Variants in CRACD observed in about 807,000 individuals in gnomAD.
The protein encoded by CRACD is capping protein-inhibiting regulator of actin dynamics.
CRACD carries 56 observed loss-of-function variants against 106.8 expected under a neutral mutation model. The ratio of observed to expected loss-of-function variants is 0.52; its 90% CI spans 0.42 to 0.66. CRACD has a LOEUF of 0.66. Among genes scored for constraint, CRACD ranks in the 30% least tolerant of loss-of-function variants. The pLI is 0.00. For synonymous variants in CRACD, 754 were observed against 670.8 expected, an observed-to-expected ratio of 1.12 and a Z score of -1.92; for missense variants, 1,730 against 1,623.2, an observed-to-expected ratio of 1.07 and a Z score of -1.13.
chr4:56,161,859 G>A lies in CRACD; in HGVS notation c.-335-17425G>A, dbSNP rs376893329. ...GCTCACTGCAACCTCTGCCTCCTGG[G>A]TTTAAGTGATTCTCCTGTCTCAGCC... On this transcript the variant is annotated intron_variant, in intron 1 of 10. Transcript: ENST00000682029. Among the ~76,000 whole-genome samples, 15 of 151,966 alleles carry A rather than the reference G, an allele frequency of 9.9e-5. No homozygotes were observed. The South Asian group carries it at 2.7e-3, about 27-fold the overall frequency.
intron 3 of CRACD, among the ~76,000 whole-genome samples, chr4:56,284,292 T>TAAAAAAAAAAAAAA (rs59270238): frequency 1.5e-4 from 7 of 45,470 alleles, no homozygotes; most frequent in African/African-American, 5.5e-4. Flanking sequence ...CATCCTAAAG[T>TAAAAAAAAAAAAAA]AAAAAAAAAA....
chr4:56,088,006 T>G (rs1390168351), intron 1 of CRACD, among the ~76,000 whole-genome samples: 4 of 152,124 alleles, frequency 2.6e-5, no homozygotes, highest in Admixed American at 6.5e-5. Context: ...AAAATTTAAA[T>G]GCATTATCAT....
chr4:56,102,591 C>T (rs1733816422), intron 1 of CRACD, among the ~76,000 whole-genome samples: 1 of 152,124 alleles, frequency 6.6e-6, no homozygotes, highest in Non-Finnish European at 1.5e-5. Context: ...AATGACAGAC[C>T]AGAAGAGTTT....
chr4:56,086,602 A>T (rs1733227330), intron 1 of CRACD, among the ~76,000 whole-genome samples: 1 of 151,956 alleles, frequency 6.6e-6, no homozygotes, highest in African/African-American at 2.4e-5. Flanking sequence ...TCCCTCATCT[A>T]ATCCATGCAA....
intron 2 of CRACD, among the ~76,000 whole-genome samples, chr4:56,217,442 G>C (rs114480438): frequency 5.3e-5 from 8 of 151,904 alleles, no homozygotes; most frequent in African/African-American, 1.9e-4. Context: ...GGGGTGGGAG[G>C]GGGAGGGATT....
intron 1 of CRACD, among the ~76,000 whole-genome samples, chr4:56,145,468 G>T (rs1735349495): frequency 6.6e-6 from 1 of 152,092 alleles, no homozygotes; most frequent in African/African-American, 2.4e-5. Flanking sequence ...TCTCCCCATA[G>T]ACCATCTGTT....
intron 2 of CRACD, among the ~76,000 whole-genome samples, chr4:56,243,826 A>G (rs1342225726): frequency 6.6e-6 from 1 of 152,100 alleles, no homozygotes; most frequent in Non-Finnish European, 1.5e-5. Flanking sequence ...AATGTTATTG[A>G]CTATAGTCAC....
At chr4:56,124,248 T>C (rs564639470) in intron 1 of CRACD, among the ~76,000 whole-genome samples, 1 of 152,350 alleles carries the variant, frequency 6.6e-6, no homozygotes, top group East Asian at 1.9e-4. Flanking sequence ...AAAATAATTT[T>C]TTAATGATGG....
chr4:56,291,173 G>A (rs1192136666), intron 3 of CRACD, among the ~76,000 whole-genome samples: 1 of 152,200 alleles, frequency 6.6e-6, no homozygotes. Context: ...TTTGAGCAGA[G>A]AGAGAGTGAG....
chr4:56,307,775 C>T lies in CRACD; in HGVS notation c.285+76C>T, dbSNP rs942336609. ...ATTGGGCCTCCAGTAACCCTGGGGT[C>T]TGCAGCAGGGGAATTAGAGGGAGGA... On this transcript the variant is annotated intron_variant, in intron 5 of 10. Coordinates refer to ENST00000682029, the MANE Select transcript of CRACD (RefSeq NM_001393381.1). The T allele has an allele frequency of 1.1e-5, 16 of 1,458,750 alleles. No individual in the cohort carries two copies. In the African/African-American group the frequency reaches 1.5e-4, roughly 14 times the overall value. The allele number at this position is 1,458,750 out of a possible 1,614,324, so 90.4% of individuals were successfully genotyped here.
intron 2 of CRACD, among the ~76,000 whole-genome samples, chr4:56,259,951 T>C (rs536467826): frequency 5.9e-5 from 9 of 152,170 alleles, no homozygotes; most frequent in Non-Finnish European, 1.2e-4. Flanking sequence ...CAGAACCCAA[T>C]TGAGGATGAC....
chr4:56,072,476 A>G (rs1577944799), intron 1 of CRACD, among the ~76,000 whole-genome samples: 1 of 152,204 alleles, frequency 6.6e-6, no homozygotes, highest in East Asian at 1.9e-4. Flanking sequence ...ACACAGCCTT[A>G]TTGAGATATA....
chr4:56,203,921 T>C (rs994130337), intron 2 of CRACD, among the ~76,000 whole-genome samples: 1 of 152,196 alleles, frequency 6.6e-6, no homozygotes, highest in South Asian at 2.1e-4. Flanking sequence ...TTCTAATCCC[T>C]GGGACAAAAC....
chr4:56,212,662 C>T (rs1738465863), intron 2 of CRACD, among the ~76,000 whole-genome samples: 1 of 152,028 alleles, frequency 6.6e-6, no homozygotes, highest in Non-Finnish European at 1.5e-5. Context: ...CTCTCAGATC[C>T]CCTTGATCAA....
intron 1 of CRACD, among the ~76,000 whole-genome samples, chr4:56,143,090 G>T (rs988576115): frequency 1.3e-5 from 2 of 151,376 alleles, no homozygotes; most frequent in Admixed American, 1.3e-4. Context: ...AAATTGTTTG[G>T]CTTGATTGGA....
At position 56,257,984 on chromosome 4, in the gene CRACD, C is replaced by A. The variant is rs939286821; in HGVS notation, c.-188-14337C>A. ...ACTTGGGAGGCTGAGGCATGAGAAT[C>A]GCTTGAACCCGGGAGGCAGAGGTGG... On this transcript the variant is annotated intron_variant, in intron 2 of 10. Transcript: ENST00000682029. 3.3e-5 allele frequency among the ~76,000 whole-genome samples: 5 copies of A among 151,344 alleles called. 1 individual carries two copies. Among genetic ancestry groups the A allele is most frequent in the South Asian group, 4.2e-4 (2 of 4,776 alleles).
chr4:56,096,516 C>T, intron 1 of CRACD, among the ~76,000 whole-genome samples: 1 of 152,054 alleles, frequency 6.6e-6, no homozygotes, highest in East Asian at 1.9e-4. Flanking sequence ...AGTTCAAGAC[C>T]AGCCTGGATG....
intron 1 of CRACD, among the ~76,000 whole-genome samples, chr4:56,077,142 A>G (rs1188723506): frequency 6.6e-6 from 1 of 152,188 alleles, no homozygotes; most frequent in Non-Finnish European, 1.5e-5. Context: ...TTTATAAAGA[A>G]AAGAGGTTTA....
intron 1 of CRACD, among the ~76,000 whole-genome samples, chr4:56,139,456 A>G (rs780827577): frequency 8.5e-5 from 13 of 152,146 alleles, no homozygotes; most frequent in Non-Finnish European, 1.8e-4. Flanking sequence ...AGGCAAGGAT[A>G]TGGAGGAGAA....
Sources: allele counts gnomAD v4.1 joint callset (sites outside exome capture counted in the v4.1 genomes callset), GRCh38; gene constraint gnomAD v4.1.1; transcripts MANE v1.5; gene names NCBI Gene and HGNC (gene_info 2026-07-23, HGNC 2026-07-21).